The following ESR1 variants were observed in gnomAD, a reference collection of about 807,000 sequenced individuals.
ESR1 encodes estrogen receptor 1.
In ESR1, 12 loss-of-function variants were observed where a neutral mutation model predicts 52.7. The observed-to-expected ratio is 0.23, with a 90% CI of 0.15 to 0.37. The LOEUF (loss-of-function observed/expected upper bound fraction) is 0.37. Ranked by LOEUF, ESR1 falls within the 10% of genes least tolerant of loss-of-function variation. The probability of loss-of-function intolerance (pLI) is 1.00; values close to 1 mark genes in which losing one functional copy is unlikely to be tolerated. For synonymous variants in ESR1, 305 were observed against 316.8 expected (o/e 0.96, Z 0.39); for missense variants, 584 against 779.7 (o/e 0.75, Z 2.99).
chr6:151,976,584 T>C (rs1181103707), intron 4 of ESR1, among the ~76,000 whole-genome samples: 1 of 152,220 alleles, frequency 6.6e-6, no homozygotes, highest in Admixed American at 6.5e-5. Flanking sequence ...ACATTTCATA[T>C]GTCCTGATAT....
At chr6:151,789,229 A>T (rs1379525888) in intron 2 of ESR1, among the ~76,000 whole-genome samples, 1 of 152,134 alleles carries the variant, frequency 6.6e-6, no homozygotes, top group Non-Finnish European at 1.5e-5. Flanking sequence ...GCCAAGGAAA[A>T]TTTTTTTATT....
chr6:151,737,668 C>T (rs540472703), intron 2 of ESR1, among the ~76,000 whole-genome samples: 1 of 152,204 alleles, frequency 6.6e-6, no homozygotes, highest in Non-Finnish European at 1.5e-5. Context: ...AGGAGGCGAC[C>T]ACTGTTACCA....
chr6:151,991,440 GA>G (rs71556238), intron 4 of ESR1, among the ~76,000 whole-genome samples: 8,310 of 145,142 alleles, frequency 0.057, 352 homozygotes, highest in African/African-American at 0.12. Context: ...GTGCTACAAG[GA>G]AAAAAAAAAA....
At chr6:152,109,160 C>T (rs1466454863) in intron 6 of ESR1, among the ~76,000 whole-genome samples, 1 of 152,150 alleles carries the variant, frequency 6.6e-6, no homozygotes, top group African/African-American at 2.4e-5. Context: ...ATGGTGCTGA[C>T]CCATTCAGGA....
intron 4 of ESR1, among the ~76,000 whole-genome samples, chr6:151,946,011 C>T (rs1210801881): frequency 6.6e-6 from 1 of 152,176 alleles, no homozygotes; most frequent in South Asian, 2.1e-4. Flanking sequence ...TTCTGGTCAT[C>T]TTCAGAATGA....
intron 3 of ESR1, among the ~76,000 whole-genome samples, chr6:151,892,589 C>CT (rs774675899): frequency 0.085 from 10,364 of 121,696 alleles, 992 homozygotes; most frequent in African/African-American, 0.23. Context: ...GATAACTAAG[C>CT]TTTTTTTTTT....
At chr6:151,977,661 G>C (rs1206637327) in intron 4 of ESR1, among the ~76,000 whole-genome samples, 1 of 151,940 alleles carries the variant, frequency 6.6e-6, no homozygotes, top group African/African-American at 2.4e-5. Flanking sequence ...CTAGAGTGGT[G>C]GTGGGTGCCT....
At position 152,014,263 on chromosome 6, in the gene ESR1, T is replaced by G. The variant is rs909531184; in HGVS notation, c.1235+2469T>G. ...GAACAGACTAATACAAGGGGCTGTC[T>G]TGTGCATTTTAGGATGTTTAACAGC... On this transcript the variant is annotated intron_variant, in intron 5 of 7. Coordinates refer to ENST00000206249, the MANE Select transcript of ESR1 (RefSeq NM_000125.4). Among the ~76,000 whole-genome samples the G allele has an allele frequency of 3.3e-5, 5 of 152,066 alleles. No individual in the cohort carries two copies. The East Asian group carries it at 9.9e-4, about 30-fold the overall frequency.
chr6:152,062,991 A>C (rs3778078), intron 6 of ESR1, among the ~76,000 whole-genome samples: 34,091 of 152,062 alleles, frequency 0.22, 5,656 homozygotes, highest in African/African-American at 0.46. Context: ...GCCACCAAAA[A>C]GTTGGATTCA....
intron 3 of ESR1, among the ~76,000 whole-genome samples, chr6:151,936,801 C>T (rs1462360839): frequency 6.6e-6 from 1 of 152,110 alleles, no homozygotes; most frequent in Non-Finnish European, 1.5e-5. Flanking sequence ...TTTCAGGCCA[C>T]AGCAAGTGGG....
At position 152,061,944 on chromosome 6, in the gene ESR1, C is replaced by T. The variant is rs2047578361; in HGVS notation, c.1369+820C>T. Among the ~76,000 whole-genome samples, 1 of 152,182 alleles carries T rather than the reference C, an allele frequency of 6.6e-6. No individual in the cohort carries two copies. The highest frequency in any genetic ancestry group is 2.1e-4 in the South Asian group (1 of 4,820). On this transcript the variant is annotated intron_variant, in intron 6 of 7. Coordinates refer to ENST00000206249, the MANE Select transcript of ESR1 (RefSeq NM_000125.4). The surrounding 1 kb of genome is among the most constrained non-coding windows in gnomAD (Gnocchi z 4.3). ...AAGCTCACATTGGGTATCAGCGGTACAGCAGCTCCCCTTAAGCTCCACCTT... is the reference window on the plus strand; with the variant it reads ...AAGCTCACATTGGGTATCAGCGGTATAGCAGCTCCCCTTAAGCTCCACCTT...
chr6:151,676,602 T>C (rs908666080), intron 1 of ESR1, among the ~76,000 whole-genome samples: 2 of 152,178 alleles, frequency 1.3e-5, no homozygotes, highest in Non-Finnish European at 2.9e-5. Flanking sequence ...TTGTCATAAT[T>C]ATTTTCAAAT....
chr6:151,692,852 C>T (rs962576089), intron 1 of ESR1, among the ~76,000 whole-genome samples: 3 of 152,184 alleles, frequency 2.0e-5, no homozygotes, highest in Admixed American at 6.5e-5. Context: ...GTGATTCTTT[C>T]GGAGAATGAA....
chr6:151,973,493 G>A (rs550854398), intron 4 of ESR1, among the ~76,000 whole-genome samples: 2 of 152,262 alleles, frequency 1.3e-5, no homozygotes, highest in East Asian at 1.9e-4. Flanking sequence ...CAGGGAATCC[G>A]CCATGTAATT....
chr6:151,791,552 T>G (rs1279592706), intron 2 of ESR1, among the ~76,000 whole-genome samples: 1 of 152,182 alleles, frequency 6.6e-6, no homozygotes. Context: ...ATGAGCCACA[T>G]TGTTACAGAG....
intron 4 of ESR1, among the ~76,000 whole-genome samples, chr6:151,971,306 A>C (rs1367901575): frequency 1.3e-5 from 2 of 151,988 alleles, no homozygotes; most frequent in Non-Finnish European, 2.9e-5. Context: ...AGCGGTGTAC[A>C]CTGTATCTAG....
At chr6:151,940,257 A>T (rs1313270574) in intron 3 of ESR1, among the ~76,000 whole-genome samples, 1 of 152,202 alleles carries the variant, frequency 6.6e-6, no homozygotes, top group Non-Finnish European at 1.5e-5. Flanking sequence ...CCCATGATTC[A>T]GTTACCTCCC....
intron 4 of ESR1, among the ~76,000 whole-genome samples, chr6:151,980,584 C>A (rs75175809): frequency 4.7e-4 from 72 of 152,250 alleles, no homozygotes; most frequent in African/African-American, 1.7e-3. Context: ...GCATTCTTTT[C>A]TCTTTGGAGT....
chr6:152,119,908 A>C (rs1245613185), intron 6 of ESR1, among the ~76,000 whole-genome samples: 2 of 152,104 alleles, frequency 1.3e-5, no homozygotes, highest in African/African-American at 4.8e-5. Context: ...CAATGTTTGC[A>C]CTCACCAGGG....
Sources: allele counts gnomAD v4.1 joint callset (sites outside exome capture counted in the v4.1 genomes callset), GRCh38; gene constraint gnomAD v4.1.1; non-coding constraint Gnocchi (gnomAD v3.1); transcripts MANE v1.5; gene names NCBI Gene and HGNC (gene_info 2026-07-23, HGNC 2026-07-21).